The following SPRR2G variants were observed in gnomAD, a reference collection of about 807,000 sequenced individuals.
The protein encoded by SPRR2G is small proline-rich protein 2G.
In SPRR2G, 1 loss-of-function variant was observed where a neutral mutation model predicts 0.7. The observed-to-expected ratio is 1.49, with a 90% confidence interval of 0.53 to 7.06. The LOEUF (loss-of-function observed/expected upper bound fraction) is 7.06, where lower values mean the gene tolerates loss of function less well. SPRR2G is among the 30% of genes most tolerant of loss of function. The pLI, the probability that SPRR2G is intolerant of heterozygous loss-of-function variation, is 0.14. For synonymous variants in SPRR2G, 38 were observed against 33.9 expected, an observed-to-expected ratio of 1.12 and a Z score of -0.42; for missense variants, 96 against 88.5, an observed-to-expected ratio of 1.09 and a Z score of -0.34.
At chr1:153,163,716 A>G in the SPRR2G span, among the ~76,000 whole-genome samples, 1 of 152,080 alleles carries the variant, frequency 6.6e-6, no homozygotes, top group African/African-American at 2.4e-5. Context: ...TCTTCACCCC[A>G]TCCATGTAAC....
At chr1:153,187,802 A>G in the SPRR2G span, among the ~76,000 whole-genome samples, 1 of 152,158 alleles carries the variant, frequency 6.6e-6, no homozygotes, top group African/African-American at 2.4e-5. Context: ...TGGAATTTTC[A>G]GCATTTTGGG....
chr1:153,174,584 A>T, the SPRR2G span: 1 of 152,324 alleles, frequency 6.6e-6, no homozygotes, highest in African/African-American at 2.4e-5. Context: ...GTTCCTTTCC[A>T]GAGCATAGCT....
the SPRR2G span, among the ~76,000 whole-genome samples, chr1:153,165,095 T>C: frequency 6.6e-6 from 1 of 152,100 alleles, no homozygotes; most frequent in Non-Finnish European, 1.5e-5. Flanking sequence ...TGGCAGGAGC[T>C]GAAAATCAGA....
chr1:153,168,899 A>AGTGTGTGTGTGTGTGTGT, the SPRR2G span, among the ~76,000 whole-genome samples: 25 of 91,036 alleles, frequency 2.7e-4, no homozygotes, highest in East Asian at 5.9e-3. Context: ...TGTACTCATG[A>AGTGTGTGTGTGTGTGTGT]GTGTATGTGT....
At chr1:153,163,404 C>A in the SPRR2G span, among the ~76,000 whole-genome samples, 2 of 152,290 alleles carry the variant, frequency 1.3e-5, no homozygotes, top group East Asian at 3.9e-4. Flanking sequence ...ACTATATTAG[C>A]CCTGCCAAAC....
the SPRR2G span, among the ~76,000 whole-genome samples, chr1:153,187,568 C>A: frequency 6.6e-6 from 1 of 152,072 alleles, no homozygotes; most frequent in African/African-American, 2.4e-5. Flanking sequence ...TTATCTTCTT[C>A]TCCAAACTGG....
the SPRR2G span, among the ~76,000 whole-genome samples, chr1:153,157,072 C>G: frequency 6.6e-6 from 1 of 152,148 alleles, no homozygotes; most frequent in Admixed American, 6.6e-5. Flanking sequence ...AATATCACAC[C>G]ACTTTCTACT....
rs1465708643 is a variant in SPRR2G, at chr1:153,150,000, C to T, written c.111G>A (p.Leu37=). 6.2e-7 allele frequency: 1 copy of T among 1,613,900 alleles called. No individual in the cohort carries two copies. Among genetic ancestry groups the T allele is most frequent in the African/African-American group, 1.3e-5 (1 of 75,016 alleles). ...AATGCTCAGGTGGACAAGGAGGAGGCAGGTAAGGCTCAGGGCACTTCGGGG... is the reference window on the plus strand; with the variant it reads ...AATGCTCAGGTGGACAAGGAGGAGGTAGGTAAGGCTCAGGGCACTTCGGGG... ...CPPPKCPEPY[L]PPPCPPEHCP... The change falls in exon 2 of 2, where the codon CTG becomes CTA. Residue 37 remains leucine, a synonymous_variant. Coordinates refer to ENST00000368748, the MANE Select transcript of SPRR2G (RefSeq NM_001014291.4).
chr1:153,175,551 A>G, the SPRR2G span, among the ~76,000 whole-genome samples: 5 of 152,196 alleles, frequency 3.3e-5, no homozygotes, highest in African/African-American at 1.2e-4. Flanking sequence ...TTCATGTTCC[A>G]TACAAGGTTC....
At chr1:153,153,040 G>A (rs916628374), upstream of SPRR2G, among the ~76,000 whole-genome samples, 22 of 152,122 alleles carry the variant, frequency 1.4e-4, no homozygotes, top group Admixed American at 1.2e-3. Flanking sequence ...GGCACTTGAA[G>A]CACTCTGTGC....
the SPRR2G span, among the ~76,000 whole-genome samples, chr1:153,177,545 G>A: frequency 6.6e-6 from 1 of 152,028 alleles, no homozygotes; most frequent in Non-Finnish European, 1.5e-5. Context: ...ATTTTTGTGG[G>A]TCTGAAATGA....
At chr1:153,198,461 A>G in the SPRR2G span, among the ~76,000 whole-genome samples, 6 of 152,220 alleles carry the variant, frequency 3.9e-5, no homozygotes, top group African/African-American at 1.4e-4. Flanking sequence ...GGCAGCAACC[A>G]TGGCTGTGAG....
chr1:153,200,356 A>G, the SPRR2G span, among the ~76,000 whole-genome samples: 1 of 152,196 alleles, frequency 6.6e-6, no homozygotes, highest in Admixed American at 6.5e-5. Flanking sequence ...AGAATGAGAC[A>G]GAAATGAAGA....
chr1:153,187,182 G>T, the SPRR2G span, among the ~76,000 whole-genome samples: 5 of 152,038 alleles, frequency 3.3e-5, no homozygotes, highest in Non-Finnish European at 7.4e-5. Flanking sequence ...GTGTCTTGGG[G>T]TTGCTCTTCT....
At chr1:153,188,342 T>G in the SPRR2G span, among the ~76,000 whole-genome samples, 2 of 152,200 alleles carry the variant, frequency 1.3e-5, no homozygotes, top group Non-Finnish European at 2.9e-5. Context: ...CCCAGGGAGA[T>G]GGGAGTTTTA....
At chr1:153,201,266 G>A in the SPRR2G span, among the ~76,000 whole-genome samples, 1 of 152,182 alleles carries the variant, frequency 6.6e-6, no homozygotes, top group African/African-American at 2.4e-5. Context: ...GACCTTTACA[G>A]AGGAAGGTTT....
chr1:153,167,983 G>T, the SPRR2G span, among the ~76,000 whole-genome samples: 1 of 152,106 alleles, frequency 6.6e-6, no homozygotes, highest in Non-Finnish European at 1.5e-5. Flanking sequence ...GAGTATAAAT[G>T]GTTCCATGAT....
At chr1:153,197,507 T>C in the SPRR2G span, among the ~76,000 whole-genome samples, 289 of 152,320 alleles carry the variant, frequency 1.9e-3, 6 homozygotes, top group Middle Eastern at 3.4e-3. Flanking sequence ...CTTTGTCTTG[T>C]ATATCCATTC....
chr1:153,160,545 C>T, the SPRR2G span, among the ~76,000 whole-genome samples: 4,698 of 152,296 alleles, frequency 0.031, 239 homozygotes, highest in African/African-American at 0.11. Flanking sequence ...TCTCCACATC[C>T]TCATCAACAC....
Sources: allele counts gnomAD v4.1 joint callset (sites outside exome capture counted in the v4.1 genomes callset), GRCh38; gene constraint gnomAD v4.1.1; transcripts MANE v1.5; gene names NCBI Gene and HGNC (gene_info 2026-07-23, HGNC 2026-07-21).